Variants in UVRAG observed in about 807,000 individuals in gnomAD.
UVRAG encodes UV radiation resistance-associated gene protein.
Under a neutral mutation model 78.0 loss-of-function variants are expected in UVRAG, and 19 were observed. The observed-to-expected ratio is 0.24, with a 90% CI of 0.17 to 0.36. The LOEUF is 0.36. Ranked by LOEUF, UVRAG falls within the 10% of genes least tolerant of loss-of-function variation. The probability of loss-of-function intolerance (pLI) is 1.00; values close to 1 mark genes in which losing one functional copy is unlikely to be tolerated. For missense variants in UVRAG, 740 were observed against 853.8 expected (o/e 0.87, Z 1.66); for synonymous variants, 323 against 324.6 (o/e 1.00, Z 0.05).
intron 6 of UVRAG, among the ~76,000 whole-genome samples, chr11:75,928,799 G>A (rs1054463297): frequency 7.9e-5 from 12 of 151,600 alleles, no homozygotes; most frequent in East Asian, 5.8e-4. Context: ...AAAATTTGCC[G>A]GGCATGGTGG....
chr11:76,074,397 G>T (rs1237302346), intron 13 of UVRAG, among the ~76,000 whole-genome samples: 1 of 152,234 alleles, frequency 6.6e-6, no homozygotes, highest in Non-Finnish European at 1.5e-5. Flanking sequence ...CAAGTCAGAA[G>T]GCTAGCAGCT....
At chr11:76,015,412 A>T (rs1164798418) in intron 11 of UVRAG, among the ~76,000 whole-genome samples, 7 of 152,146 alleles carry the variant, frequency 4.6e-5, no homozygotes, top group Non-Finnish European at 1.0e-4. Flanking sequence ...TAATCGTGGA[A>T]GATTGGGTGT....
intron 14 of UVRAG, chr11:76,137,705 T>C: frequency 2.9e-6 from 1 of 343,640 alleles, no homozygotes; most frequent in Non-Finnish European, 5.7e-6. Context: ...TTGAGACCAG[T>C]GTGTGCAAGA....
At chr11:76,049,544 A>G (rs1173796760) in intron 12 of UVRAG, among the ~76,000 whole-genome samples, 1 of 152,230 alleles carries the variant, frequency 6.6e-6, no homozygotes, top group Non-Finnish European at 1.5e-5. Context: ...AATGAAATTT[A>G]CAAATAATAC....
intron 11 of UVRAG, among the ~76,000 whole-genome samples, chr11:76,015,329 T>G (rs1950126453): frequency 6.6e-6 from 1 of 152,138 alleles, no homozygotes; most frequent in African/African-American, 2.4e-5. Flanking sequence ...TAGTGAGACC[T>G]CATCTTTTTT....
At chr11:75,875,539 C>T (rs1361975766) in intron 3 of UVRAG, among the ~76,000 whole-genome samples, 2 of 150,228 alleles carry the variant, frequency 1.3e-5, no homozygotes, top group African/African-American at 4.9e-5. Context: ...TGCCTCCTTC[C>T]TTAATCCATT....
At chr11:75,968,050 C>G (rs1189380472) in intron 7 of UVRAG, among the ~76,000 whole-genome samples, 2 of 152,158 alleles carry the variant, frequency 1.3e-5, no homozygotes, top group Non-Finnish European at 2.9e-5. Context: ...AATCCAAAAT[C>G]CAAAACACTC....
chr11:75,858,575 A>G (rs1250142277), intron 2 of UVRAG, among the ~76,000 whole-genome samples: 1 of 152,222 alleles, frequency 6.6e-6, no homozygotes, highest in Non-Finnish European at 1.5e-5. Context: ...GAATAACTTT[A>G]TAATACATTG....
chr11:75,876,100 C>A (rs536224723), intron 3 of UVRAG, among the ~76,000 whole-genome samples: 1 of 152,290 alleles, frequency 6.6e-6, no homozygotes, highest in African/African-American at 2.4e-5. Context: ...ACCTCTAGAT[C>A]TCCACTTACC....
Position 76,008,820 on chromosome 11 carries a change from A to T in UVRAG, c.1013A>T (p.Asp338Val). ...TTAAATTCACAGAATGAACATAAGG[A>T]TTACTTTGTATGCGGTGTCAAGTTG... ...IYPIDLNEHKDYFVCGVKLPN... is the reference protein window; with the variant it reads ...IYPIDLNEHKVYFVCGVKLPN... The change falls in exon 11 of 15, where the codon GAT becomes GTT. Residue 338 changes from aspartate (D) to valine (V), a missense_variant. Asp to Val is a radical substitution (Grantham distance 152). Transcript: ENST00000356136. 1.4e-6 allele frequency: 2 copies of T among 1,480,480 alleles called. No homozygotes were observed. Among genetic ancestry groups the T allele is most frequent in the Non-Finnish European group, 1.8e-6 (2 of 1,097,778 alleles). 91.7% of individuals were successfully genotyped at this position (1,480,480 alleles called of 1,614,324 possible).
rs142353080 is a variant in UVRAG, at chr11:75,828,668, T to C, written c.117+13144T>C. ...TAATTTATATGAATATAAATAAATATATAAATATATACACATATACATGTG... is the reference window on the plus strand; with the variant it reads ...TAATTTATATGAATATAAATAAATACATAAATATATACACATATACATGTG... On this transcript the variant is annotated intron_variant, in intron 1 of 14. Coordinates refer to ENST00000356136, the MANE Select transcript of UVRAG (RefSeq NM_003369.4). Among the ~76,000 whole-genome samples the C allele has an allele frequency of 2.0e-3, 288 of 146,384 alleles. 6 individuals are homozygous for C. The East Asian group carries it at 0.049, about 25-fold the overall frequency.
At chr11:75,982,853 T>A (rs1298873172) in intron 7 of UVRAG, among the ~76,000 whole-genome samples, 1 of 152,256 alleles carries the variant, frequency 6.6e-6, no homozygotes, top group East Asian at 1.9e-4. Context: ...TTTCTTTTTA[T>A]TACAAAATAA....
chr11:76,041,022 A>G (rs1006210571), intron 12 of UVRAG, among the ~76,000 whole-genome samples: 1 of 152,220 alleles, frequency 6.6e-6, no homozygotes, highest in African/African-American at 2.4e-5. Context: ...TATATCAGAA[A>G]TGAGTTTGTG....
intron 12 of UVRAG, among the ~76,000 whole-genome samples, 188 bp from the exon 13 acceptor site, chr11:76,065,522 A>C (rs1416148271): frequency 6.6e-6 from 1 of 152,216 alleles, no homozygotes; most frequent in African/African-American, 2.4e-5. Flanking sequence ...CTTTTGAAAG[A>C]AAGCAGCCGT....
chr11:76,101,800 G>T (rs1951884141), intron 13 of UVRAG, among the ~76,000 whole-genome samples: 1 of 152,104 alleles, frequency 6.6e-6, no homozygotes, highest in African/African-American at 2.4e-5. Context: ...TCTGCATATG[G>T]CTAGTCAGTT....
intron 6 of UVRAG, among the ~76,000 whole-genome samples, chr11:75,918,891 G>A (rs965346627): frequency 1.3e-5 from 2 of 152,174 alleles, no homozygotes; most frequent in African/African-American, 4.8e-5. Context: ...AATCAGGTCT[G>A]TGAGCCTTCA....
rs75202297 is a variant in UVRAG at position 76,022,935 on chromosome 11, A to G, written c.1226+5955A>G. 7.2e-3 allele frequency among the ~76,000 whole-genome samples: 1,091 copies of G among 151,178 alleles called. 13 individuals are homozygous for G. Among genetic ancestry groups the G allele is most frequent in the African/African-American group, 0.025 (1,035 of 41,132 alleles). On this transcript the variant is annotated intron_variant, in intron 12 of 14. Coordinates refer to ENST00000356136, the MANE Select transcript of UVRAG (RefSeq NM_003369.4). ...ATTTCCTTTTCTGTGTATTTTATAGATTTTTTATGGTTATGATGGGATTTT... is the reference window on the plus strand; with the variant it reads ...ATTTCCTTTTCTGTGTATTTTATAGGTTTTTTATGGTTATGATGGGATTTT...
At chr11:75,871,660 A>T (rs1331452478) in intron 3 of UVRAG, among the ~76,000 whole-genome samples, 6 of 152,240 alleles carry the variant, frequency 3.9e-5, no homozygotes. Flanking sequence ...AATTCTAATG[A>T]ACATATCCTT....
At chr11:75,894,652 C>T (rs1455932921) in intron 5 of UVRAG, among the ~76,000 whole-genome samples, 1 of 151,762 alleles carries the variant, frequency 6.6e-6, no homozygotes, top group Non-Finnish European at 1.5e-5. Context: ...GATCCGTCCT[C>T]CTCAGCCTCC....
Sources: allele counts gnomAD v4.1 joint callset (sites outside exome capture counted in the v4.1 genomes callset), GRCh38; gene constraint gnomAD v4.1.1; transcripts MANE v1.5; gene names NCBI Gene and HGNC (gene_info 2026-07-23, HGNC 2026-07-21).